FNDC3A: variants seen among roughly 807,000 people sequenced by gnomAD.
FNDC3A encodes fibronectin type-III domain-containing protein 3A.
FNDC3A carries 32 observed loss-of-function variants against 148.9 expected under a neutral mutation model. The ratio of observed to expected loss-of-function variants is 0.21; its 90% CI spans 0.16 to 0.29. FNDC3A has a LOEUF of 0.29. FNDC3A is among the 10% of genes least tolerant of loss of function. FNDC3A has a pLI of 1.00. For missense variants in FNDC3A, 1,191 were observed against 1,452.8 expected, an observed-to-expected ratio of 0.82 and a Z score of 2.93; for synonymous variants, 472 against 473.6, an observed-to-expected ratio of 1.00 and a Z score of 0.04.
intron 19 of FNDC3A, among the ~76,000 whole-genome samples, chr13:49,194,966 A>C (rs1886077196): frequency 6.6e-6 from 1 of 152,160 alleles, no homozygotes; most frequent in African/African-American, 2.4e-5. Context: ...TATACAGATG[A>C]AATAGTTTCT....
intron 2 of FNDC3A, among the ~76,000 whole-genome samples, chr13:49,061,917 A>G (rs928691080): frequency 2.0e-5 from 3 of 146,652 alleles, no homozygotes; most frequent in African/African-American, 7.7e-5. Context: ...TACCACATCC[A>G]GTGAAAGGCT....
intron 2 of FNDC3A, among the ~76,000 whole-genome samples, chr13:49,013,650 A>C (rs564436030): frequency 6.7e-6 from 1 of 149,208 alleles, no homozygotes; most frequent in South Asian, 2.1e-4. Context: ...GTACATGTGT[A>C]TACATGTATA....
At chr13:49,056,420 G>T (rs1035792052) in intron 2 of FNDC3A, among the ~76,000 whole-genome samples, 8 of 152,138 alleles carry the variant, frequency 5.3e-5, no homozygotes, top group African/African-American at 1.9e-4. Context: ...ACTATAGTGT[G>T]TCTAGGAGTG....
chr13:48,986,298 A>G (rs149830620), intron 1 of FNDC3A, among the ~76,000 whole-genome samples: 96 of 150,822 alleles, frequency 6.4e-4, no homozygotes, highest in African/African-American at 2.0e-3. Flanking sequence ...TTTAATATTA[A>G]AACCTAATAT....
intron 3 of FNDC3A, among the ~76,000 whole-genome samples, chr13:49,101,539 C>T (rs968041197): frequency 1.3e-5 from 2 of 151,992 alleles, no homozygotes; most frequent in African/African-American, 4.8e-5. Context: ...ATGCAAATGA[C>T]CCTGATTATT....
At chr13:49,065,926 A>G (rs751148100) in intron 2 of FNDC3A, among the ~76,000 whole-genome samples, 10 of 152,190 alleles carry the variant, frequency 6.6e-5, no homozygotes, top group Non-Finnish European at 1.0e-4. Context: ...TGTAAAAATG[A>G]TTTAAAGTTG....
intron 2 of FNDC3A, among the ~76,000 whole-genome samples, chr13:49,025,978 C>T (rs1873682744): frequency 6.6e-6 from 1 of 152,178 alleles, no homozygotes; most frequent in African/African-American, 2.4e-5. Flanking sequence ...CAAAACTATT[C>T]TCTGCATTTT....
At chr13:48,989,094 A>T (rs1351003474) in intron 1 of FNDC3A, among the ~76,000 whole-genome samples, 1 of 152,204 alleles carries the variant, frequency 6.6e-6, no homozygotes, top group African/African-American at 2.4e-5. Context: ...CATTCAGTAG[A>T]GTACTCTGGA....
chr13:49,044,818 C>T (rs1018622544), intron 2 of FNDC3A: 1 of 402,610 alleles, frequency 2.5e-6, no homozygotes. Context: ...TTTTTCAATA[C>T]TTTTTGTGTG....
At chr13:49,147,481 A>T (rs995886881) in intron 8 of FNDC3A, among the ~76,000 whole-genome samples, 8 of 151,954 alleles carry the variant, frequency 5.3e-5, no homozygotes, top group African/African-American at 1.9e-4. Context: ...TAAAGTGGAG[A>T]GGAGAGAGAC....
intron 1 of FNDC3A, among the ~76,000 whole-genome samples, chr13:48,993,554 A>T (rs1035454995): frequency 1.3e-5 from 2 of 152,230 alleles, no homozygotes; most frequent in Non-Finnish European, 2.9e-5. Flanking sequence ...TGACAAAAAA[A>T]TTTTTAATGA....
chr13:49,185,542 A>AAC (rs1316613525), intron 14 of FNDC3A, among the ~76,000 whole-genome samples: 2 of 152,174 alleles, frequency 1.3e-5, no homozygotes, highest in African/African-American at 4.8e-5. Context: ...CATTAAGTAT[A>AAC]ACACACACAC....
intron 5 of FNDC3A, among the ~76,000 whole-genome samples, chr13:49,132,635 A>G (rs539988490): frequency 5.9e-5 from 9 of 152,302 alleles, no homozygotes; most frequent in Admixed American, 2.0e-4. Flanking sequence ...TGCTCTTGCA[A>G]TGTTCTGCCC....
intron 14 of FNDC3A, among the ~76,000 whole-genome samples, chr13:49,182,537 AT>A (rs1043898918): frequency 2.0e-5 from 3 of 149,328 alleles, no homozygotes; most frequent in Non-Finnish European, 3.0e-5. Context: ...GCCTTCTGGG[AT>A]TTTTTTTTCT....
chr13:49,163,615 T>C (rs1398022332), intron 8 of FNDC3A, among the ~76,000 whole-genome samples: 1 of 152,204 alleles, frequency 6.6e-6, no homozygotes, highest in East Asian at 1.9e-4. Flanking sequence ...CACCCTGCTT[T>C]GGCTCACACT....
At chr13:49,000,066 G>A (rs1952097829) in intron 1 of FNDC3A, among the ~76,000 whole-genome samples, 1 of 152,068 alleles carries the variant, frequency 6.6e-6, no homozygotes, top group African/African-American at 2.4e-5. Flanking sequence ...GTTTTCTGAT[G>A]CACAAAAGTT....
chr13:49,110,391 A>C, intron 3 of FNDC3A: 1 of 1,609,184 alleles, frequency 6.2e-7, no homozygotes, highest in Non-Finnish European at 8.5e-7. Context: ...CTGCTACTGT[A>C]AAAACGAAAT....
At chr13:49,140,020 A>C (rs1372623037) in intron 7 of FNDC3A, among the ~76,000 whole-genome samples, 1 of 152,232 alleles carries the variant, frequency 6.6e-6, no homozygotes, top group African/African-American at 2.4e-5. Flanking sequence ...AGTAGCATTT[A>C]CTTGTTGTAG....
In FNDC3A at chr13:49,086,129, G is replaced by A. The variant is rs985902724; in HGVS notation, c.175+10765G>A. 1.2e-4 allele frequency among the ~76,000 whole-genome samples: 19 copies of A among 152,236 alleles called. No homozygotes were observed. The South Asian group carries it at 1.5e-3, about 12-fold the overall frequency. On this transcript the variant is annotated intron_variant, in intron 3 of 25. Transcript: ENST00000492622. The stretch of plus-strand genomic sequence containing the variant: ...ACTCCTGATCTCAGGTGATCCACCC[G>A]CCTCAGCCTCCTAAAGTTCTGGGAT...
Sources: allele counts gnomAD v4.1 joint callset (sites outside exome capture counted in the v4.1 genomes callset), GRCh38; gene constraint gnomAD v4.1.1; transcripts MANE v1.5; gene names NCBI Gene and HGNC (gene_info 2026-07-23, HGNC 2026-07-21).